Variants in FAM227B observed in about 807,000 individuals in gnomAD.
The protein encoded by FAM227B is protein FAM227B.
FAM227B carries 88 observed loss-of-function variants against 73.8 expected under a neutral mutation model. That is an observed-to-expected ratio of 1.19 (90% CI 1.00 to 1.42). FAM227B has a LOEUF of 1.42. Among genes scored for constraint, FAM227B ranks in the 40% most tolerant of loss-of-function variants. FAM227B has a pLI of 0.00. For synonymous variants in FAM227B, 210 were observed against 190.5 expected (o/e 1.10, Z -0.84); for missense variants, 632 against 590.9 (o/e 1.07, Z -0.72).
chr15:49,496,726 G>GA (rs1390989162), intron 11 of FAM227B, among the ~76,000 whole-genome samples: 3 of 151,984 alleles, frequency 2.0e-5, no homozygotes, highest in Non-Finnish European at 4.4e-5. Flanking sequence ...CTCAAATGTC[G>GA]AAAAAAATTA....
Position 49,532,378 on chromosome 15 carries a change from G to T in FAM227B, c.874+9302C>A, listed in dbSNP as rs900436806. Among the ~76,000 whole-genome samples the T allele has an allele frequency of 5.9e-5, 9 of 151,706 alleles. 1 individual carries two copies. The highest frequency in any genetic ancestry group is 2.2e-4 in the African/African-American group (9 of 41,358). ...TCTTTTATTACTAAGCAATAAATAT[G>T]AAAATAATGTACAAAACTTTCAGCT... is the stretch of plus-strand genomic sequence containing the variant. On this transcript the variant is annotated intron_variant, in intron 10 of 15. Transcript: ENST00000299338.
intron 13 of FAM227B, among the ~76,000 whole-genome samples, chr15:49,361,706 T>C (rs986738229): frequency 5.3e-5 from 8 of 152,178 alleles, no homozygotes; most frequent in African/African-American, 1.9e-4. Context: ...GCAATGAGCA[T>C]ACGCGTGAAT....
intron 10 of FAM227B, among the ~76,000 whole-genome samples, chr15:49,540,841 TG>T (rs1376392392): frequency 6.6e-6 from 1 of 152,194 alleles, no homozygotes; most frequent in Non-Finnish European, 1.5e-5. Context: ...TTCTTATGTT[TG>T]AATTAATTTG....
chr15:49,382,578 T>A (rs903831702), intron 11 of FAM227B, among the ~76,000 whole-genome samples: 1 of 152,044 alleles, frequency 6.6e-6, no homozygotes, highest in African/African-American at 2.4e-5. Context: ...GCAATTTAAG[T>A]GTAATGAAAG....
intron 3 of FAM227B, among the ~76,000 whole-genome samples, chr15:49,608,728 T>G (rs985027602): frequency 1.3e-5 from 2 of 152,034 alleles, no homozygotes; most frequent in African/African-American, 2.4e-5. Context: ...AATCATATCA[T>G]GGAGTACTCT....
intron 10 of FAM227B, among the ~76,000 whole-genome samples, chr15:49,520,588 G>C (rs376079109): frequency 6.6e-6 from 1 of 152,178 alleles, no homozygotes; most frequent in Non-Finnish European, 1.5e-5. Flanking sequence ...AATCATGGTG[G>C]AAAGCAAAGG....
intron 10 of FAM227B, among the ~76,000 whole-genome samples, chr15:49,515,197 T>G (rs979509463): frequency 3.3e-5 from 5 of 152,100 alleles, no homozygotes; most frequent in African/African-American, 1.2e-4. Flanking sequence ...TCAGTGTGGG[T>G]AATTTCTCTG....
At chr15:49,369,544 G>A (rs1164025714) in intron 12 of FAM227B, among the ~76,000 whole-genome samples, 1 of 152,088 alleles carries the variant, frequency 6.6e-6, no homozygotes, top group East Asian at 1.9e-4. Context: ...TAATTTCTCA[G>A]AAAATTTATT....
In FAM227B at chr15:49,551,346, T is replaced by G. The variant is rs567498896; in HGVS notation, c.748-9540A>C. Among the ~76,000 whole-genome samples the G allele has an allele frequency of 4.6e-5, 7 of 152,348 alleles. No individual in the cohort carries two copies. In the South Asian group the frequency reaches 6.2e-4, roughly 14 times the overall value. On this transcript the variant is annotated intron_variant, in intron 9 of 15. Coordinates refer to ENST00000299338, the MANE Select transcript of FAM227B (RefSeq NM_152647.3). ...TCTTGCTGAATTGACCCCTTTATTATTATGTAATAACCTTCTTTGTTTCTT... is the reference window on the plus strand; with the variant it reads ...TCTTGCTGAATTGACCCCTTTATTAGTATGTAATAACCTTCTTTGTTTCTT...
intron 9 of FAM227B, among the ~76,000 whole-genome samples, chr15:49,542,648 G>T (rs955305858): frequency 9.9e-5 from 15 of 151,284 alleles, no homozygotes; most frequent in Admixed American, 5.9e-4. Context: ...CTCCATCCAG[G>T]TTGCTGTGAA....
At chr15:49,599,513 T>C (rs1399835849) in intron 3 of FAM227B, among the ~76,000 whole-genome samples, 1 of 152,114 alleles carries the variant, frequency 6.6e-6, no homozygotes, top group Non-Finnish European at 1.5e-5. Context: ...TTCTAGTTAC[T>C]TGAGATATAA....
At chr15:49,613,241 A>G (rs1302918907) in intron 2 of FAM227B, among the ~76,000 whole-genome samples, 2 of 152,152 alleles carry the variant, frequency 1.3e-5, no homozygotes, top group Non-Finnish European at 2.9e-5. Flanking sequence ...GTGGCCAGGC[A>G]TGGTGGCTCA....
chr15:49,377,372 G>A (rs1000069336), intron 11 of FAM227B, among the ~76,000 whole-genome samples: 18 of 151,946 alleles, frequency 1.2e-4, no homozygotes, highest in Non-Finnish European at 2.2e-4. Context: ...TCTTTTGGGG[G>A]TACATATCCA....
chr15:49,397,514 C>T (rs1596873420), intron 11 of FAM227B, among the ~76,000 whole-genome samples: 1 of 151,872 alleles, frequency 6.6e-6, no homozygotes, highest in Non-Finnish European at 1.5e-5. Flanking sequence ...AAAGATACTC[C>T]TCGAGAAGAG....
rs115146219 is a variant in FAM227B, at chr15:49,413,813, A to G, written c.1013-42414T>C. Among the ~76,000 whole-genome samples the G allele has an allele frequency of 1.7e-3, 256 of 151,432 alleles. 2 individuals are homozygous for G. Among genetic ancestry groups the G allele is most frequent in the African/African-American group, 6.0e-3 (248 of 41,302 alleles). On this transcript the variant is annotated intron_variant, in intron 11 of 15. Coordinates refer to ENST00000299338, the MANE Select transcript of FAM227B (RefSeq NM_152647.3). Reference sequence around the variant, plus strand: ...ACTATCTTTTGGTTTCTAGAACACAACAAGCTCATTTTCACCTCAGAACTT... The same window carrying G: ...ACTATCTTTTGGTTTCTAGAACACAGCAAGCTCATTTTCACCTCAGAACTT...
chr15:49,528,184 T>A (rs1389322517), intron 10 of FAM227B, among the ~76,000 whole-genome samples: 2 of 151,632 alleles, frequency 1.3e-5, no homozygotes, highest in African/African-American at 2.4e-5. Context: ...AGAGAACCTA[T>A]AAATAAACCC....
intron 11 of FAM227B, among the ~76,000 whole-genome samples, chr15:49,427,505 G>A (rs1297004302): frequency 6.6e-6 from 1 of 151,852 alleles, no homozygotes; most frequent in East Asian, 1.9e-4. Context: ...ACCTTTCTTT[G>A]GAGGTCTTTT....
intron 11 of FAM227B, among the ~76,000 whole-genome samples, chr15:49,457,759 TA>T (rs2053442734): frequency 6.6e-6 from 1 of 151,884 alleles, no homozygotes; most frequent in South Asian, 2.1e-4. Flanking sequence ...TTAGTATATT[TA>T]AAATTAAAAG....
At chr15:49,483,311 C>T in intron 11 of FAM227B, 2 of 848,708 alleles carry the variant, frequency 2.4e-6, no homozygotes, top group Admixed American at 3.7e-5. Context: ...GTCAAAATAT[C>T]TCACCTTTCT....
Sources: gnomAD v4.1 joint callset for allele counts (sites outside exome capture counted in the v4.1 genomes callset) on GRCh38, gnomAD v4.1.1 for gene constraint, MANE v1.5 for transcripts, NCBI Gene and HGNC (gene_info 2026-07-23, HGNC 2026-07-21) for gene names.